Variants in RHOBTB2 observed in about 807,000 individuals in gnomAD.
RHOBTB2 encodes Rho related BTB domain containing 2, also known as rho-related BTB domain-containing protein 2.
A neutral mutation model predicts 66.5 loss-of-function variants in RHOBTB2; 39 were observed. The observed-to-expected ratio is 0.59, with a 90% CI of 0.45 to 0.77. RHOBTB2 has a LOEUF of 0.77. RHOBTB2 is among the 30% of genes least tolerant of loss of function. The pLI is 0.00. For missense variants in RHOBTB2, 755 were observed against 999.1 expected (o/e 0.76, Z 3.29); for synonymous variants, 390 against 395.0 (o/e 0.99, Z 0.15).
At chr8:22,960,393 A>G in the RHOBTB2 span, among the ~76,000 whole-genome samples, 5 of 143,106 alleles carry the variant, frequency 3.5e-5, 1 homozygote, top group African/African-American at 1.3e-4. Context: ...ATCTCGGCTC[A>G]CTGCAACCTC....
At chr8:23,016,463 G>C (rs1388233140) in intron 9 of RHOBTB2, among the ~76,000 whole-genome samples, 1 of 148,978 alleles carries the variant, frequency 6.7e-6, no homozygotes, top group Admixed American at 6.6e-5. Context: ...CCAGGCTGGA[G>C]TACAGTGGCA....
At chr8:23,009,318 A>C (rs1811067349) in intron 6 of RHOBTB2, among the ~76,000 whole-genome samples, 1 of 152,134 alleles carries the variant, frequency 6.6e-6, no homozygotes, top group African/African-American at 2.4e-5. Context: ...TTGGAAACTT[A>C]GGGTTGGAAG....
rs1456105353 is a variant in RHOBTB2 at position 23,018,589 on chromosome 8, G to C, written c.*1120G>C. ...CCCTGACCCTGCCAGCTGGCTCCGA[G>C]GGCAACACAGGGGCCTGGCCTCTAG... On this transcript the variant is annotated 3_prime_UTR_variant, in exon 10 of 10. Coordinates refer to ENST00000251822, the MANE Select transcript of RHOBTB2 (RefSeq NM_015178.3). 1.3e-5 allele frequency: 2 copies of C among 152,326 alleles called. No individual in the cohort carries two copies. The highest frequency in any genetic ancestry group is 6.5e-5 in the Admixed American group (1 of 15,280). The allele number at this position is 152,326 out of a possible 1,614,324, so 9.4% of individuals were successfully genotyped here.
chr8:23,010,741 C>G lies in RHOBTB2; in HGVS notation c.1771+53C>G, dbSNP rs2241259. ...CCCCGCGGCAGAGGCCAGGGAAACCCCAAGGTGCAATGTTCTCCTCTCACG... is the reference window on the plus strand; with the variant it reads ...CCCCGCGGCAGAGGCCAGGGAAACCGCAAGGTGCAATGTTCTCCTCTCACG... On this transcript the variant is annotated intron_variant, in intron 7 of 9. Coordinates refer to ENST00000251822, the MANE Select transcript of RHOBTB2 (RefSeq NM_015178.3). 118,449 of 1,591,430 alleles carry G rather than the reference C, an allele frequency of 0.074. 5,720 individuals carry two copies. The highest frequency in any genetic ancestry group is 0.19 in the South Asian group (16,693 of 89,440).
Position 23,017,602 on chromosome 8 carries a change from T to C in RHOBTB2, c.*133T>C. Reference sequence around the variant, plus strand: ...AACCAGGACCCAGAGGGTGGAGCTCTTCTTACCAGCCACCGTGGCTCAGCC... The same window carrying C: ...AACCAGGACCCAGAGGGTGGAGCTCCTCTTACCAGCCACCGTGGCTCAGCC... On this transcript the variant is annotated 3_prime_UTR_variant, in exon 10 of 10. Transcript: ENST00000251822. This position sits in a 1 kb window ranked among gnomAD's most constrained non-coding sequence, Gnocchi z 5.3. 7.2e-7 allele frequency: 1 copy of C among 1,387,978 alleles called. No individual in the cohort carries two copies. The highest frequency in any genetic ancestry group is 9.7e-7 in the Non-Finnish European group (1 of 1,035,974). The allele number at this position is 1,387,978 out of a possible 1,614,324, so 86.0% of individuals were successfully genotyped here. A position where few individuals can be genotyped will look rare whatever the true frequency, so the allele number is the denominator to read the frequency against.
At chr8:22,977,070 C>T in the RHOBTB2 span, among the ~76,000 whole-genome samples, 90 of 152,252 alleles carry the variant, frequency 5.9e-4, no homozygotes, top group Non-Finnish European at 1.1e-3. Context: ...GCCTGGCCAA[C>T]ATAGCAAGAC....
the RHOBTB2 span, among the ~76,000 whole-genome samples, chr8:22,976,228 G>A: frequency 2.0e-5 from 3 of 152,146 alleles, no homozygotes; most frequent in African/African-American, 4.8e-5. Context: ...AAGGGTCAAA[G>A]CTGTAAAGTC....
the RHOBTB2 span, among the ~76,000 whole-genome samples, chr8:22,960,602 C>A: frequency 1.3e-5 from 2 of 152,052 alleles, no homozygotes; most frequent in African/African-American, 4.8e-5. Context: ...TATAGGCATG[C>A]GCTGCACCCG....
the RHOBTB2 span, among the ~76,000 whole-genome samples, chr8:22,981,466 C>T: frequency 4.6e-5 from 7 of 152,200 alleles, no homozygotes; most frequent in South Asian, 1.2e-3. Context: ...GACATTCTCT[C>T]GCCAGGGCAG....
chr8:22,951,567 G>T, the RHOBTB2 span, among the ~76,000 whole-genome samples: 1 of 152,114 alleles, frequency 6.6e-6, no homozygotes, highest in Non-Finnish European at 1.5e-5. Context: ...GGGGGCAGGG[G>T]TTGGATCTCA....
the RHOBTB2 span, among the ~76,000 whole-genome samples, chr8:22,979,384 G>A: frequency 3.6e-3 from 543 of 152,008 alleles, 5 homozygotes; most frequent in African/African-American, 0.012. Flanking sequence ...TTTACCATCC[G>A]GAGATAACTA....
intron 9 of RHOBTB2, among the ~76,000 whole-genome samples, chr8:23,016,019 C>T (rs571247501): frequency 1.3e-5 from 2 of 152,266 alleles, no homozygotes; most frequent in South Asian, 2.1e-4. Context: ...GACAGAATAC[C>T]GTAAGAAATA....
Position 23,006,610 on chromosome 8 carries a change from G to C in RHOBTB2, c.483-118G>C. ...ATGGGATTTGGCCAGACAGAGCAGG[G>C]CAGGAGTGGGTGGGGATTGGCACCC... is the stretch of plus-strand genomic sequence containing the variant. On this transcript the variant is annotated intron_variant, in intron 4 of 9. Coordinates refer to ENST00000251822, the MANE Select transcript of RHOBTB2 (RefSeq NM_015178.3). The surrounding 1 kb of genome is among the most constrained non-coding windows in gnomAD (Gnocchi z 6.1). The C allele has an allele frequency of 1.0e-6, 1 of 961,512 alleles. No homozygotes were observed. 59.6% of individuals were successfully genotyped at this position (961,512 alleles called of 1,614,324 possible).
the RHOBTB2 span, among the ~76,000 whole-genome samples, chr8:22,967,745 AAGGAGTAT>A: frequency 6.6e-6 from 1 of 151,896 alleles, no homozygotes; most frequent in Non-Finnish European, 1.5e-5. Context: ...GTTATTGTTA[AAGGAGTAT>A]AGAGTCGTAG....
At position 22,999,806 on chromosome 8, in the gene RHOBTB2, G is replaced by A. The variant is rs1585185863; in HGVS notation, c.-310G>A. The A allele has an allele frequency of 1.0e-5, 10 of 983,402 alleles. No individual in the cohort carries two copies. Among genetic ancestry groups the A allele is most frequent in the Non-Finnish European group, 1.2e-5 (10 of 829,570 alleles). The allele number at this position is 983,402 out of a possible 1,614,324, so 60.9% of individuals were successfully genotyped here. Reference sequence around the variant, plus strand: ...CCCGCTGCCTCCGCAGCCCGGCTCCGCGCGCCGCCGTGACATTGGGCGCCT... The same window carrying A: ...CCCGCTGCCTCCGCAGCCCGGCTCCACGCGCCGCCGTGACATTGGGCGCCT... On this transcript the variant is annotated 5_prime_UTR_variant, in exon 1 of 10. Transcript: ENST00000251822.
At chr8:22,962,178 A>C in the RHOBTB2 span, among the ~76,000 whole-genome samples, 19 of 98,306 alleles carry the variant, frequency 1.9e-4, no homozygotes, top group Non-Finnish European at 8.1e-5. Context: ...TAACGAATTT[A>C]CAAAAAAAAA....
chr8:23,007,506 A>T lies in RHOBTB2; in HGVS notation c.1261A>T (p.Ile421Phe). 1 of 1,614,088 alleles carries T rather than the reference A, an allele frequency of 6.2e-7. No individual in the cohort carries two copies. Among genetic ancestry groups the T allele is most frequent in the South Asian group, 1.1e-5 (1 of 91,084 alleles). The change falls in exon 5 of 10, where the codon ATC becomes TTC. Residue 421 changes from isoleucine (I) to phenylalanine (F), a missense_variant. Physicochemically the swap from Ile to Phe is conservative, Grantham distance 21 (BLOSUM62 0). Coordinates refer to ENST00000251822, the MANE Select transcript of RHOBTB2 (RefSeq NM_015178.3). The part of the protein sequence containing the change: ...LMVVVKMDSS[I>F]QPGPFRAVLK... ...GGTGGTGGTGAAGATGGACAGTTCC[A>T]TCCAGCCGGGGCCCTTCCGGGCTGT...
intron 6 of RHOBTB2, 32 bp from the exon 7 acceptor site, chr8:23,010,506 C>T: frequency 6.2e-7 from 1 of 1,600,176 alleles, no homozygotes; most frequent in South Asian, 1.1e-5. Flanking sequence ...AGCAGGATCT[C>T]ATTGCTGTCC....
At chr8:23,009,995 A>C (rs1014644321) in intron 6 of RHOBTB2, among the ~76,000 whole-genome samples, 2 of 152,224 alleles carry the variant, frequency 1.3e-5, no homozygotes, top group African/African-American at 2.4e-5. Flanking sequence ...GAAAGAAATC[A>C]GCTGCTGTGG....
Sources: gnomAD v4.1 joint callset for allele counts (sites outside exome capture counted in the v4.1 genomes callset) on GRCh38, gnomAD v4.1.1 for gene constraint, Gnocchi (gnomAD v3.1) non-coding constraint, MANE v1.5 for transcripts, NCBI Gene and HGNC (gene_info 2026-07-23, HGNC 2026-07-21) for gene names.